LRP1B: variants seen among roughly 807,000 people sequenced by gnomAD.
LRP1B encodes the protein LDL receptor related protein 1B.
In LRP1B, 217 loss-of-function variants were observed where a neutral mutation model predicts 556.6. The ratio of observed to expected loss-of-function variants is 0.39; its 90% confidence interval spans 0.35 to 0.44. The LOEUF is 0.44. LRP1B is among the 20% of genes least tolerant of loss of function. The pLI is 1.00. For synonymous variants in LRP1B, 2,047 were observed against 1,865.8 expected, an observed-to-expected ratio of 1.10 and a Z score of -2.50; for missense variants, 5,053 against 5,620.8, an observed-to-expected ratio of 0.90 and a Z score of 3.23.
chr2:141,960,816 A>G (rs899641614), intron 1 of LRP1B, among the ~76,000 whole-genome samples: 6 of 151,388 alleles, frequency 4.0e-5, no homozygotes, highest in African/African-American at 1.4e-4. Flanking sequence ...TAAAGATTAT[A>G]TACAGATTAC....
At chr2:141,067,010 C>T (rs968068036) in intron 7 of LRP1B, among the ~76,000 whole-genome samples, 2 of 151,814 alleles carry the variant, frequency 1.3e-5, no homozygotes, top group South Asian at 2.1e-4. Context: ...GAAAATGATA[C>T]GTATTTTCCT....
At chr2:141,687,195 G>A (rs1163935291) in intron 2 of LRP1B, among the ~76,000 whole-genome samples, 1 of 151,852 alleles carries the variant, frequency 6.6e-6, no homozygotes, top group East Asian at 1.9e-4. Flanking sequence ...ACAAAACTCA[G>A]TCATAAACTT....
chr2:141,500,450 C>T (rs569150234), intron 2 of LRP1B, among the ~76,000 whole-genome samples: 8 of 152,064 alleles, frequency 5.3e-5, no homozygotes, highest in South Asian at 2.1e-4. Flanking sequence ...AGCTAAAGAG[C>T]GCAGAACAGG....
At chr2:140,497,076 G>A (rs1688977563) in intron 55 of LRP1B, among the ~76,000 whole-genome samples, 1 of 151,652 alleles carries the variant, frequency 6.6e-6, no homozygotes, top group African/African-American at 2.4e-5. Context: ...ATACTGGGGA[G>A]GAAAGCATCC....
intron 7 of LRP1B, among the ~76,000 whole-genome samples, chr2:141,154,712 G>A (rs1702022756): frequency 6.6e-6 from 1 of 151,708 alleles, no homozygotes; most frequent in African/African-American, 2.4e-5. Flanking sequence ...ATCCAAGCCA[G>A]AATCATCCTC....
At chr2:141,705,206 C>A (rs189634896) in intron 2 of LRP1B, among the ~76,000 whole-genome samples, 1 of 151,942 alleles carries the variant, frequency 6.6e-6, no homozygotes, top group Non-Finnish European at 1.5e-5. Flanking sequence ...ACTTTAACTG[C>A]CTATCTATGA....
At chr2:141,811,183 A>C (rs1223840703) in intron 1 of LRP1B, among the ~76,000 whole-genome samples, 1 of 152,106 alleles carries the variant, frequency 6.6e-6, no homozygotes, top group Non-Finnish European at 1.5e-5. Flanking sequence ...CAAACTAATT[A>C]TTCTTTACAT....
chr2:141,358,619 T>C (rs566831911), intron 3 of LRP1B, among the ~76,000 whole-genome samples: 42 of 152,366 alleles, frequency 2.8e-4, no homozygotes, highest in Middle Eastern at 3.4e-3. Context: ...AGTTAATTTC[T>C]ATGTTTCTAG....
chr2:140,876,181 G>A (rs909556236), intron 25 of LRP1B, among the ~76,000 whole-genome samples: 1 of 152,136 alleles, frequency 6.6e-6, no homozygotes, highest in African/African-American at 2.4e-5. Flanking sequence ...TGAATTAATA[G>A]AAGATTGAAG....
intron 7 of LRP1B, among the ~76,000 whole-genome samples, chr2:141,182,629 C>T (rs1156625481): frequency 6.6e-6 from 1 of 151,774 alleles, no homozygotes; most frequent in African/African-American, 2.4e-5. Context: ...ATTATTGGAG[C>T]TATTGGAATA....
chr2:140,308,608 A>G (rs1210560100), intron 83 of LRP1B, among the ~76,000 whole-genome samples: 2 of 151,042 alleles, frequency 1.3e-5, no homozygotes, highest in African/African-American at 4.9e-5. Flanking sequence ...GTCTTTGAGT[A>G]TGATGTTTTA....
At chr2:140,807,507 A>AT (rs368741661) in intron 32 of LRP1B, among the ~76,000 whole-genome samples, 61,042 of 132,284 alleles carry the variant, frequency 0.46, 15,245 homozygotes, top group East Asian at 0.72. Context: ...CGCCTTGCTA[A>AT]TTTTTTTTTT....
chr2:141,491,198 T>G (rs1574008223), intron 2 of LRP1B, among the ~76,000 whole-genome samples: 1 of 152,142 alleles, frequency 6.6e-6, no homozygotes, highest in Non-Finnish European at 1.5e-5. Context: ...CTCTGACTTT[T>G]TAAGTGAATA....
At position 141,677,237 on chromosome 2, in the gene LRP1B, A is replaced by T. The variant is rs1193203686; in HGVS notation, c.205+133042T>A. On this transcript the variant is annotated intron_variant, in intron 2 of 90. Transcript: ENST00000389484. ...TTTGTTTCAAAAAATTGAGCCTGAAAGTCATTTGGAATTTTACAGAAAAAG... is the reference window on the plus strand; with the variant it reads ...TTTGTTTCAAAAAATTGAGCCTGAATGTCATTTGGAATTTTACAGAAAAAG... Among the ~76,000 whole-genome samples the T allele has an allele frequency of 1.3e-5, 2 of 152,150 alleles. 1 individual carries two copies.
chr2:141,990,179 G>A (rs1702306155), intron 1 of LRP1B, among the ~76,000 whole-genome samples: 1 of 151,932 alleles, frequency 6.6e-6, no homozygotes, highest in African/African-American at 2.4e-5. Flanking sequence ...CAACTGACGT[G>A]AAACAAATTT....
At chr2:141,510,489 G>A (rs1365561151) in intron 2 of LRP1B, among the ~76,000 whole-genome samples, 9 of 151,810 alleles carry the variant, frequency 5.9e-5, no homozygotes, top group African/African-American at 1.2e-4. Flanking sequence ...AAATATTATC[G>A]CACACCTTTT....
intron 1 of LRP1B, among the ~76,000 whole-genome samples, chr2:142,116,381 T>A (rs1442358196): frequency 6.6e-6 from 1 of 151,818 alleles, no homozygotes; most frequent in Non-Finnish European, 1.5e-5. Flanking sequence ...AAAGCCAAAT[T>A]GTAGGACAGT....
chr2:141,698,981 A>G (rs904550645), intron 2 of LRP1B, among the ~76,000 whole-genome samples: 2 of 151,894 alleles, frequency 1.3e-5, no homozygotes. Context: ...ATGTGTTAAC[A>G]GAGTTAGCTA....
intron 7 of LRP1B, among the ~76,000 whole-genome samples, chr2:141,072,118 C>T (rs1411286442): frequency 6.6e-6 from 1 of 152,068 alleles, no homozygotes; most frequent in Non-Finnish European, 1.5e-5. Context: ...CTACCCCAAC[C>T]CTTCTGATCT....
Sources: gnomAD v4.1 joint callset for allele counts (sites outside exome capture counted in the v4.1 genomes callset) on GRCh38, gnomAD v4.1.1 for gene constraint, MANE v1.5 for transcripts, NCBI Gene and HGNC (gene_info 2026-07-23, HGNC 2026-07-21) for gene names.